The following GABRB1 variants were observed in gnomAD, a reference collection of about 807,000 sequenced individuals.
GABRB1 encodes gamma-aminobutyric acid type A receptor subunit beta1.
A neutral mutation model predicts 51.6 loss-of-function variants in GABRB1; 17 were observed. The ratio of observed to expected loss-of-function variants is 0.33; its 90% CI spans 0.23 to 0.49. GABRB1 has a LOEUF of 0.49. Ranked by LOEUF, GABRB1 falls within the 20% of genes least tolerant of loss-of-function variation. GABRB1 has a pLI of 0.99. For missense variants in GABRB1, 410 were observed against 600.6 expected (o/e 0.68, Z 3.32); for synonymous variants, 247 against 218.9 (o/e 1.13, Z -1.14).
chr4:47,141,118 C>G (rs1378133177), intron 3 of GABRB1, among the ~76,000 whole-genome samples: 1 of 151,736 alleles, frequency 6.6e-6, no homozygotes, highest in Non-Finnish European at 1.5e-5. Flanking sequence ...TATCGCTATA[C>G]TAGCATATTC....
At chr4:47,334,709 A>C (rs1175108834) in intron 5 of GABRB1, among the ~76,000 whole-genome samples, 1 of 152,214 alleles carries the variant, frequency 6.6e-6, no homozygotes, top group East Asian at 1.9e-4. Flanking sequence ...CGCTATCTAG[A>C]GGTCTGCAAT....
chr4:47,032,106 G>A (rs952559323), intron 2 of GABRB1, 101 bp downstream of exon 2: 6 of 743,034 alleles, frequency 8.1e-6, no homozygotes, highest in Admixed American at 4.8e-5. Context: ...TGTCATTTTC[G>A]TAAGCGTGCA....
At chr4:47,422,717 T>A (rs543931748) in intron 8 of GABRB1, among the ~76,000 whole-genome samples, 1 of 152,206 alleles carries the variant, frequency 6.6e-6, no homozygotes, top group Non-Finnish European at 1.5e-5. Flanking sequence ...TCACCACATA[T>A]ACATTATTTG....
rs2109699687 is a variant in GABRB1 at position 47,144,285 on chromosome 4, A to G, written c.241-16964A>G. On this transcript the variant is annotated intron_variant, in intron 3 of 8. Coordinates refer to ENST00000295454, the MANE Select transcript of GABRB1 (RefSeq NM_000812.4). ...AAATTACCACAAAGTGTCTTAAAAC[A>G]AGAGAAATTTATTCCCTCTGAGTTT... Among the ~76,000 whole-genome samples the G allele has an allele frequency of 1.3e-5, 2 of 152,146 alleles. 1 individual carries two copies. Among genetic ancestry groups the G allele is most frequent in the South Asian group, 4.1e-4 (2 of 4,826 alleles).
intron 1 of GABRB1, among the ~76,000 whole-genome samples, chr4:47,012,389 C>T (rs1268338626): frequency 2.0e-5 from 3 of 152,090 alleles, no homozygotes; most frequent in East Asian, 1.9e-4. Context: ...TGTTGTTTCC[C>T]TCTATGTGTC....
intron 8 of GABRB1, among the ~76,000 whole-genome samples, chr4:47,411,607 T>C (rs1728764230): frequency 6.6e-6 from 1 of 152,160 alleles, no homozygotes; most frequent in Non-Finnish European, 1.5e-5. Context: ...GTTACATGAA[T>C]CTACATATGC....
intron 1 of GABRB1, among the ~76,000 whole-genome samples, chr4:47,005,286 C>T (rs941598572): frequency 6.6e-6 from 1 of 152,010 alleles, no homozygotes; most frequent in African/African-American, 2.4e-5. Context: ...GGCATGGTGG[C>T]GGGCGCCTGT....
At chr4:47,243,907 C>T (rs1721637821) in intron 4 of GABRB1, among the ~76,000 whole-genome samples, 1 of 152,190 alleles carries the variant, frequency 6.6e-6, no homozygotes, top group Admixed American at 6.5e-5. Context: ...CTGGCCAGAA[C>T]TTCCAACTCT....
chr4:47,249,222 A>T (rs565272958), intron 4 of GABRB1, among the ~76,000 whole-genome samples: 3 of 152,084 alleles, frequency 2.0e-5, no homozygotes, highest in Non-Finnish European at 4.4e-5. Flanking sequence ...ATTGTCGTTC[A>T]ATTCAAAGAA....
intron 3 of GABRB1, among the ~76,000 whole-genome samples, chr4:47,039,492 T>A (rs1288909209): frequency 6.6e-6 from 1 of 151,908 alleles, no homozygotes; most frequent in Non-Finnish European, 1.5e-5. Flanking sequence ...TAGAGGAATG[T>A]CTTTTTTGAA....
At chr4:47,280,430 T>G (rs1041171989) in intron 4 of GABRB1, among the ~76,000 whole-genome samples, 10 of 151,398 alleles carry the variant, frequency 6.6e-5, no homozygotes, top group African/African-American at 2.4e-4. Flanking sequence ...CACACCACTA[T>G]TACATTATAA....
chr4:47,329,191 G>C (rs1232390530), intron 5 of GABRB1, among the ~76,000 whole-genome samples: 2 of 151,930 alleles, frequency 1.3e-5, no homozygotes, highest in East Asian at 1.9e-4. Flanking sequence ...CATTCAGAAA[G>C]AGGAGACCAA....
At chr4:47,325,227 G>A (rs1203696482) in intron 5 of GABRB1, among the ~76,000 whole-genome samples, 1 of 152,132 alleles carries the variant, frequency 6.6e-6, no homozygotes, top group Non-Finnish European at 1.5e-5. Context: ...ACAAGGTCAG[G>A]AGTTCAAGAC....
chr4:47,274,503 T>C (rs1267831427), intron 4 of GABRB1, among the ~76,000 whole-genome samples: 1 of 152,162 alleles, frequency 6.6e-6, no homozygotes, highest in Admixed American at 6.6e-5. Flanking sequence ...TGACTATCTA[T>C]GAGCTATTGG....
intron 3 of GABRB1, among the ~76,000 whole-genome samples, chr4:47,092,997 G>T (rs1166117679): frequency 1.3e-5 from 2 of 152,142 alleles, no homozygotes; most frequent in African/African-American, 4.8e-5. Flanking sequence ...AATACAAAAA[G>T]AGATGAGTAA....
chr4:47,297,367 C>G (rs1253334528), intron 4 of GABRB1, among the ~76,000 whole-genome samples: 1 of 107,036 alleles, frequency 9.3e-6, no homozygotes, highest in African/African-American at 3.6e-5. Flanking sequence ...GCTAGCAAGA[C>G]TAATAAAGAA....
At chr4:47,360,919 C>T (rs1726784443) in intron 5 of GABRB1, among the ~76,000 whole-genome samples, 1 of 151,992 alleles carries the variant, frequency 6.6e-6, no homozygotes, top group Admixed American at 6.6e-5. Context: ...TTCTAAATGC[C>T]TTATGCATGT....
At chr4:47,309,988 C>A (rs1008831388) in intron 4 of GABRB1, among the ~76,000 whole-genome samples, 1 of 152,146 alleles carries the variant, frequency 6.6e-6, no homozygotes, top group Non-Finnish European at 1.5e-5. Context: ...TATAATAACT[C>A]TCTTTTCTTT....
intron 3 of GABRB1, among the ~76,000 whole-genome samples, chr4:47,063,096 G>T (rs368689860): frequency 6.6e-6 from 1 of 151,958 alleles, no homozygotes; most frequent in Non-Finnish European, 1.5e-5. Context: ...TAGCTCTAAG[G>T]CCCTAAGCAA....
Sources: gnomAD v4.1 joint callset for allele counts (sites outside exome capture counted in the v4.1 genomes callset) on GRCh38, gnomAD v4.1.1 for gene constraint, MANE v1.5 for transcripts, NCBI Gene and HGNC (gene_info 2026-07-23, HGNC 2026-07-21) for gene names.